The following FBXL17 variants were observed in gnomAD, a reference collection of about 807,000 sequenced individuals.
FBXL17 encodes F-box/LRR-repeat protein 17.
FBXL17 carries 22 observed loss-of-function variants against 66.2 expected under a neutral mutation model. The observed-to-expected ratio is 0.33, with a 90% CI of 0.24 to 0.47. The LOEUF is 0.47. Among genes scored for constraint, FBXL17 ranks in the 20% least tolerant of loss-of-function variants. The pLI is 1.00. For synonymous variants in FBXL17, 474 were observed against 400.5 expected (o/e 1.18, Z -2.19); for missense variants, 878 against 948.2 (o/e 0.93, Z 0.97).
At chr5:108,118,472 T>A (rs1750350710) in intron 6 of FBXL17, among the ~76,000 whole-genome samples, 1 of 152,170 alleles carries the variant, frequency 6.6e-6, no homozygotes, top group South Asian at 2.1e-4. Flanking sequence ...ATGGGTAAGA[T>A]CTTTTGCAAC....
At chr5:107,997,028 C>A (rs1753500959) in intron 7 of FBXL17, among the ~76,000 whole-genome samples, 1 of 152,200 alleles carries the variant, frequency 6.6e-6, no homozygotes, top group Non-Finnish European at 1.5e-5. Flanking sequence ...AATATCAGGG[C>A]TGAGACTGGA....
At chr5:108,297,174 C>T (rs945283822) in intron 4 of FBXL17, among the ~76,000 whole-genome samples, 1 of 151,350 alleles carries the variant, frequency 6.6e-6, no homozygotes, top group South Asian at 2.1e-4. Context: ...AGACCATTCA[C>T]CTCTTTTAAA....
intron 6 of FBXL17, among the ~76,000 whole-genome samples, chr5:108,101,061 C>T (rs1166081294): frequency 6.6e-6 from 1 of 152,186 alleles, no homozygotes; most frequent in African/African-American, 2.4e-5. Context: ...AAAGAGTTTG[C>T]TCTTCAAGTC....
intron 5 of FBXL17, among the ~76,000 whole-genome samples, chr5:108,216,981 G>T (rs1580632734): frequency 6.6e-6 from 1 of 152,074 alleles, no homozygotes; most frequent in Non-Finnish European, 1.5e-5. Context: ...CTCCTTTTGT[G>T]GGCATGGGCA....
At chr5:108,333,763 A>G (rs1341990787) in intron 4 of FBXL17, among the ~76,000 whole-genome samples, 1 of 152,166 alleles carries the variant, frequency 6.6e-6, no homozygotes, top group African/African-American at 2.4e-5. Flanking sequence ...CCCCAATGAG[A>G]TTGTCTCTTT....
chr5:108,113,233 A>C (rs1221822162), intron 6 of FBXL17, among the ~76,000 whole-genome samples: 3 of 152,192 alleles, frequency 2.0e-5, no homozygotes, highest in Non-Finnish European at 4.4e-5. Flanking sequence ...CCACATGGGC[A>C]TGTGGCTAAC....
At chr5:108,348,623 C>T (rs1862195) in intron 3 of FBXL17, 93 bp from the exon 4 acceptor site, 850,884 of 1,284,220 alleles carry the variant, frequency 0.66, 284,388 homozygotes, top group African/African-American at 0.85. Context: ...AAAATAACCA[C>T]GTCAGAGTTA....
chr5:108,236,755 A>G (rs146794194), intron 4 of FBXL17, among the ~76,000 whole-genome samples: 108 of 152,300 alleles, frequency 7.1e-4, no homozygotes, highest in Admixed American at 2.0e-3. Context: ...GAGAAATACC[A>G]ATCGTTGATT....
chr5:108,281,810 G>A (rs890582965), intron 4 of FBXL17, among the ~76,000 whole-genome samples: 6 of 151,336 alleles, frequency 4.0e-5, no homozygotes, highest in African/African-American at 1.5e-4. Flanking sequence ...GAAGAAAGAA[G>A]ACACAACATC....
chr5:108,237,423 C>T (rs966468601), intron 4 of FBXL17, among the ~76,000 whole-genome samples: 1 of 152,072 alleles, frequency 6.6e-6, no homozygotes, highest in Non-Finnish European at 1.5e-5. Context: ...TTCAGTTTCC[C>T]AAGGACTTCT....
chr5:108,206,213 A>G (rs1226372994), intron 5 of FBXL17, among the ~76,000 whole-genome samples: 2 of 152,182 alleles, frequency 1.3e-5, no homozygotes, highest in Non-Finnish European at 2.9e-5. Flanking sequence ...CCTATTCAGA[A>G]GAACTTTCCC....
At chr5:108,245,395 C>A (rs1421789985) in intron 4 of FBXL17, among the ~76,000 whole-genome samples, 1 of 151,926 alleles carries the variant, frequency 6.6e-6, no homozygotes, top group South Asian at 2.1e-4. Flanking sequence ...AAAACAAACA[C>A]CCTGATGTAT....
intron 6 of FBXL17, among the ~76,000 whole-genome samples, chr5:108,075,923 A>G (rs1748526592): frequency 6.6e-6 from 1 of 152,236 alleles, no homozygotes; most frequent in African/African-American, 2.4e-5. Context: ...TTATGATGCC[A>G]AATCGACTTA....
chr5:108,334,227 T>G (rs1012431821), intron 4 of FBXL17, among the ~76,000 whole-genome samples: 6 of 152,168 alleles, frequency 3.9e-5, no homozygotes, highest in African/African-American at 1.4e-4. Context: ...AAGCTTCCAC[T>G]CTGACTTCTA....
At chr5:108,136,028 A>T (rs79066914) in intron 6 of FBXL17, among the ~76,000 whole-genome samples, 3 of 152,046 alleles carry the variant, frequency 2.0e-5, no homozygotes, top group African/African-American at 7.2e-5. Flanking sequence ...TCAAAATAGG[A>T]GGAAAAAAGT....
intron 6 of FBXL17, among the ~76,000 whole-genome samples, chr5:108,040,306 C>A (rs766134922): frequency 6.6e-6 from 1 of 152,080 alleles, no homozygotes; most frequent in Non-Finnish European, 1.5e-5. Context: ...GAAAAAGACA[C>A]GTACATGGTG....
At chr5:107,884,188 C>T (rs1748886398) in intron 7 of FBXL17, among the ~76,000 whole-genome samples, 1 of 152,138 alleles carries the variant, frequency 6.6e-6, no homozygotes, top group Non-Finnish European at 1.5e-5. Flanking sequence ...AAACATAACT[C>T]TAAATTGTGA....
chr5:107,936,554 A>ACTT (rs1561328825), intron 7 of FBXL17, among the ~76,000 whole-genome samples: 45 of 152,152 alleles, frequency 3.0e-4, no homozygotes, highest in African/African-American at 9.6e-4. Context: ...TTTAACAACT[A>ACTT]TTCTTGAATT....
chr5:107,963,300 G>A (rs894874549), intron 7 of FBXL17, among the ~76,000 whole-genome samples: 1 of 152,066 alleles, frequency 6.6e-6, no homozygotes, highest in Non-Finnish European at 1.5e-5. Flanking sequence ...GAATAAGACA[G>A]ACATAGTCCC....
Sources: gnomAD v4.1 joint callset for allele counts (sites outside exome capture counted in the v4.1 genomes callset) on GRCh38, gnomAD v4.1.1 for gene constraint, MANE v1.5 for transcripts, NCBI Gene and HGNC (gene_info 2026-07-23, HGNC 2026-07-21) for gene names.